The following ABRAXAS2 variants were observed in gnomAD, a reference collection of about 807,000 sequenced individuals.
ABRAXAS2 encodes the protein abraxas 2, BRISC complex subunit.
Under a neutral mutation model 49.0 loss-of-function variants are expected in ABRAXAS2, and 23 were observed. The observed-to-expected ratio is 0.47, with a 90% CI of 0.34 to 0.66. The LOEUF (loss-of-function observed/expected upper bound fraction) is 0.66. Among genes scored for constraint, ABRAXAS2 ranks in the 30% least tolerant of loss-of-function variants. The pLI is 0.01. For missense variants in ABRAXAS2, 443 were observed against 511.9 expected (o/e 0.87, Z 1.30); for synonymous variants, 168 against 180.2 (o/e 0.93, Z 0.54).
chr10:124,808,746 G>A (rs1303422874), intron 2 of ABRAXAS2, among the ~76,000 whole-genome samples: 1 of 152,212 alleles, frequency 6.6e-6, no homozygotes, highest in Non-Finnish European at 1.5e-5. Flanking sequence ...GGGGAGCACA[G>A]AACGAGGTCT....
Position 124,834,764 on chromosome 10 carries a change from C to T in ABRAXAS2, c.1041C>T (p.Ala347=), listed in dbSNP as rs35870438. The T allele has an allele frequency of 1.3e-3, 2,134 of 1,614,104 alleles. 34 individuals carry two copies. In the African/African-American group the frequency reaches 0.025, roughly 19 times the overall value. ...VGSSNYASTS[A]GLKYPGSGAD... is the part of the protein sequence containing the mutation. The stretch of plus-strand genomic sequence containing the variant: ...CTTCCAATTATGCTTCCACCAGTGC[C>T]GGACTGAAGTATCCTGGAAGTGGGG... Residue 347 remains alanine, a synonymous_variant, in exon 9 of 9, where the codon GCC becomes GCT. Transcript: ENST00000298492.
intron 8 of ABRAXAS2, among the ~76,000 whole-genome samples, chr10:124,833,142 T>G (rs1950945297): frequency 9.1e-6 from 1 of 109,326 alleles, no homozygotes; most frequent in Admixed American, 1.0e-4. Flanking sequence ...CAAGACTCTG[T>G]CTCAAAAAAA....
intron 7 of ABRAXAS2, among the ~76,000 whole-genome samples, 190 bp downstream of exon 7, chr10:124,829,667 C>A (rs906372298): frequency 6.6e-6 from 1 of 152,204 alleles, no homozygotes; most frequent in African/African-American, 2.4e-5. Flanking sequence ...GGCTCACTCA[C>A]TCTGTGCCTG....
At chr10:124,806,274 C>T (rs1950743096) in intron 1 of ABRAXAS2, among the ~76,000 whole-genome samples, 1 of 151,312 alleles carries the variant, frequency 6.6e-6, no homozygotes, top group Non-Finnish European at 1.5e-5. Flanking sequence ...CCACTGCACT[C>T]CAGCCTGGGT....
intron 5 of ABRAXAS2, among the ~76,000 whole-genome samples, chr10:124,827,721 G>A (rs1297984034): frequency 1.3e-5 from 2 of 150,082 alleles, no homozygotes; most frequent in African/African-American, 2.4e-5. Flanking sequence ...GCTGGTTAAC[G>A]AGGGTTTTGC....
intron 7 of ABRAXAS2, 42 bp downstream of exon 7, chr10:124,829,519 C>A (rs1042164431): frequency 7.5e-7 from 1 of 1,340,342 alleles, no homozygotes; most frequent in Non-Finnish European, 1.0e-6. Context: ...TTTGTCTTGC[C>A]CAAAAGCTTT....
Position 124,835,004 on chromosome 10 carries a change from T to G in ABRAXAS2, c.*33T>G, listed in dbSNP as rs891590527. On this transcript the variant is annotated 3_prime_UTR_variant, in exon 9 of 9. Coordinates refer to ENST00000298492, the MANE Select transcript of ABRAXAS2 (RefSeq NM_032182.4). ...AAAGAAACTCTCCACCTAGCACTGT[T>G]TTTCTTCATTGCTTACTGAGAGGGT... The G allele has an allele frequency of 2.7e-6, 4 of 1,489,534 alleles. No homozygotes were observed. The Admixed American group carries it at 6.4e-5, about 24-fold the overall frequency. The allele number at this position is 1,489,534 out of a possible 1,614,324, so 92.3% of individuals were successfully genotyped here. A position where few individuals can be genotyped will look rare whatever the true frequency, so the allele number is the denominator to read the frequency against.
intron 1 of ABRAXAS2, among the ~76,000 whole-genome samples, chr10:124,805,119 G>A (rs1950732218): frequency 6.6e-6 from 1 of 151,954 alleles, no homozygotes; most frequent in Non-Finnish European, 1.5e-5. Context: ...TGTCTGTCTT[G>A]TCAGGAGATC....
intron 2 of ABRAXAS2, among the ~76,000 whole-genome samples, chr10:124,810,973 A>C (rs192550805): frequency 1.3e-5 from 2 of 150,388 alleles, no homozygotes; most frequent in African/African-American, 4.9e-5. Flanking sequence ...TAATCCCAGC[A>C]CTTTGGGAGG....
intron 4 of ABRAXAS2, among the ~76,000 whole-genome samples, chr10:124,820,337 C>A (rs80034404): frequency 0.01 from 1,552 of 152,300 alleles, 27 homozygotes; most frequent in African/African-American, 0.036. Flanking sequence ...ACAGGCATCA[C>A]GTGGTCCAGT....
At chr10:124,831,842 CTTTTT>C (rs71029219) in intron 8 of ABRAXAS2, among the ~76,000 whole-genome samples, 2 of 37,722 alleles carry the variant, frequency 5.3e-5, no homozygotes, top group African/African-American at 1.1e-4. Context: ...TGTGTCCTGT[CTTTTT>C]TTTTTTTTTT....
intron 2 of ABRAXAS2, among the ~76,000 whole-genome samples, chr10:124,813,316 A>G (rs2134161933): frequency 6.6e-6 from 1 of 152,348 alleles, no homozygotes; most frequent in Non-Finnish European, 1.5e-5. Flanking sequence ...GTCTACCCTT[A>G]GTTCTAGGAG....
intron 1 of ABRAXAS2, among the ~76,000 whole-genome samples, chr10:124,803,209 GA>G (rs904424960): frequency 5.9e-5 from 9 of 152,124 alleles, no homozygotes; most frequent in African/African-American, 2.2e-4. Flanking sequence ...GCTACCTGTT[GA>G]AAAAAATTAA....
At position 124,816,153 on chromosome 10, in the gene ABRAXAS2, A is replaced by T. The variant is rs531192047; in HGVS notation, c.164-423A>T. On this transcript the variant is annotated intron_variant, in intron 2 of 8. Transcript: ENST00000298492. ...CCTGACCTAGTGATCTGTCCGCCTCAGCTTCCCAAAGTGCTGGGATTACAG... is the reference window on the plus strand; with the variant it reads ...CCTGACCTAGTGATCTGTCCGCCTCTGCTTCCCAAAGTGCTGGGATTACAG... Among the ~76,000 whole-genome samples the T allele has an allele frequency of 9.2e-5, 14 of 151,908 alleles. No individual in the cohort carries two copies. The South Asian group carries it at 2.3e-3, about 25-fold the overall frequency.
intron 2 of ABRAXAS2, among the ~76,000 whole-genome samples, chr10:124,812,000 C>A (rs1323832214): frequency 1.3e-5 from 2 of 152,158 alleles, no homozygotes; most frequent in Non-Finnish European, 2.9e-5. Context: ...TGGTCTTGAA[C>A]TCCCGACCTT....
chr10:124,801,885 A>G lies in ABRAXAS2; in HGVS notation c.56A>G (p.Asn19Ser), dbSNP rs141996152. ...TFSAVCFHSA[N>S]SNADHEGFLL... ...AGTGCTGTGTGTTTCCACAGCGCCA[A>G]CAGCAACGCGGACCACGTAGGTGCC... The change falls in exon 1 of 9, where the codon AAC becomes AGC. Residue 19 changes from asparagine (N) to serine (S), a missense_variant. This residue lies in a region of ABRAXAS2 where 47 missense variants were observed against 27.6 expected (regional missense o/e 1.70). Transcript: ENST00000298492. 21 of 1,612,946 alleles carry G rather than the reference A, an allele frequency of 1.3e-5. No homozygotes were observed. Among genetic ancestry groups the G allele is most frequent in the Non-Finnish European group, 1.6e-5 (19 of 1,179,704 alleles).
chr10:124,810,367 A>G lies in ABRAXAS2; in HGVS notation c.163+3446A>G, dbSNP rs141447073. ...GTGGCGAGACCCTGTCTCTACAAGAAATTTTTATAATTAGCCAGGCGTGGT... is the reference window on the plus strand; with the variant it reads ...GTGGCGAGACCCTGTCTCTACAAGAGATTTTTATAATTAGCCAGGCGTGGT... On this transcript the variant is annotated intron_variant, in intron 2 of 8. Transcript: ENST00000298492. Among the ~76,000 whole-genome samples, 814 of 152,176 alleles carry G rather than the reference A, an allele frequency of 5.3e-3. 4 individuals are homozygous for G. The highest frequency in any genetic ancestry group is 8.9e-3 in the Non-Finnish European group (605 of 68,026).
chr10:124,817,335 A>G (rs1564921319), intron 3 of ABRAXAS2, among the ~76,000 whole-genome samples: 2 of 152,156 alleles, frequency 1.3e-5, no homozygotes, highest in Non-Finnish European at 2.9e-5. Context: ...AAAGCATACA[A>G]CAGAGAGACA....
chr10:124,803,589 T>C (rs1180947266), intron 1 of ABRAXAS2, among the ~76,000 whole-genome samples: 3 of 152,200 alleles, frequency 2.0e-5, no homozygotes, highest in African/African-American at 7.2e-5. Flanking sequence ...AAAGCATCTA[T>C]AGACAATAAA....
Sources: allele counts gnomAD v4.1 joint callset (sites outside exome capture counted in the v4.1 genomes callset), GRCh38; gene constraint gnomAD v4.1.1; regional missense constraint gnomAD v4.1.1; transcripts MANE v1.5; gene names NCBI Gene and HGNC (gene_info 2026-07-23, HGNC 2026-07-21).